CCDC192: variants seen among roughly 807,000 people sequenced by gnomAD.
The protein encoded by CCDC192 is coiled-coil domain-containing protein 192.
At chr5:127,910,245 T>C (rs1198298968) in intron 6 of CCDC192, among the ~76,000 whole-genome samples, 5 of 152,218 alleles carry the variant, frequency 3.3e-5, no homozygotes, top group Admixed American at 3.3e-4. Flanking sequence ...AAATCCTCTA[T>C]CAACCTTTAA....
intron 5 of CCDC192, among the ~76,000 whole-genome samples, chr5:127,868,035 G>A (rs1398718853): frequency 2.7e-5 from 4 of 146,434 alleles, no homozygotes; most frequent in Non-Finnish European, 4.5e-5. Context: ...TCAAGTTGGC[G>A]AGATCTTAGT....
intron 5 of CCDC192, among the ~76,000 whole-genome samples, chr5:127,853,630 G>A (rs914183189): frequency 2.0e-5 from 3 of 152,038 alleles, no homozygotes; most frequent in Admixed American, 6.6e-5. Context: ...AGAATTATCC[G>A]GGCGTGGTGA....
At chr5:127,930,753 C>G (rs1754004921) in intron 6 of CCDC192, among the ~76,000 whole-genome samples, 1 of 152,172 alleles carries the variant, frequency 6.6e-6, no homozygotes, top group Admixed American at 6.5e-5. Context: ...CTAGGTTATC[C>G]TACCCTCAAT....
chr5:127,840,286 A>C (rs1215019652), intron 5 of CCDC192, among the ~76,000 whole-genome samples: 1 of 152,230 alleles, frequency 6.6e-6, no homozygotes, highest in Non-Finnish European at 1.5e-5. Context: ...AGAAAGAAAA[A>C]GAGGAAGTGA....
intron 3 of CCDC192, among the ~76,000 whole-genome samples, chr5:127,777,214 G>A (rs928237071): frequency 6.6e-6 from 1 of 152,208 alleles, no homozygotes. Flanking sequence ...CAAGACCATG[G>A]GAGCCCACCT....
chr5:127,937,975 C>T (rs1754231391), intron 6 of CCDC192, among the ~76,000 whole-genome samples: 1 of 152,160 alleles, frequency 6.6e-6, no homozygotes, highest in Non-Finnish European at 1.5e-5. Flanking sequence ...GTCAGACAGG[C>T]ACAGTGAGGT....
chr5:127,863,444 T>A (rs1310846535), intron 5 of CCDC192, among the ~76,000 whole-genome samples: 1 of 152,344 alleles, frequency 6.6e-6, no homozygotes, highest in East Asian at 1.9e-4. Flanking sequence ...CCAAGTTAAA[T>A]AAGTCAATCT....
chr5:127,891,025 C>T (rs758720433), intron 6 of CCDC192, among the ~76,000 whole-genome samples: 8 of 152,174 alleles, frequency 5.3e-5, no homozygotes, highest in Non-Finnish European at 1.2e-4. Context: ...TCTTCATCCC[C>T]TCTATGTACA....
intron 6 of CCDC192, among the ~76,000 whole-genome samples, chr5:127,920,885 G>A (rs6865186): frequency 0.18 from 26,788 of 151,238 alleles, 5,991 homozygotes; most frequent in African/African-American, 0.51. Flanking sequence ...ACGGGGTGAA[G>A]CCCTATTTCT....
At position 127,855,223 on chromosome 5, in the gene CCDC192, C is replaced by G. The variant is rs557914629; in HGVS notation, c.412-20315C>G. Among the ~76,000 whole-genome samples the G allele has an allele frequency of 1.4e-4, 21 of 152,296 alleles. 2 individuals carry two copies. In the South Asian group the frequency reaches 4.4e-3, roughly 32 times the overall value. On this transcript the variant is annotated intron_variant, in intron 5 of 6. Coordinates refer to ENST00000514853, the MANE Select transcript of CCDC192 (RefSeq NM_001317938.2). ...GCAGAACTTCTTTCAAAACTGGAGT[C>G]AATCCTCTCAAACCCTGCCACTGCT...
chr5:127,826,407 A>C (rs992537166), intron 5 of CCDC192, among the ~76,000 whole-genome samples: 1 of 152,068 alleles, frequency 6.6e-6, no homozygotes, highest in African/African-American at 2.4e-5. Context: ...CAGAGCTACC[A>C]TTTGACCCAG....
intron 2 of CCDC192, among the ~76,000 whole-genome samples, chr5:127,733,726 T>G (rs910514986): frequency 1.3e-5 from 2 of 152,086 alleles, no homozygotes; most frequent in African/African-American, 4.8e-5. Context: ...ATCTGAGATA[T>G]TACTTCTAAG....
At chr5:127,825,950 A>G (rs1193132557) in intron 5 of CCDC192, among the ~76,000 whole-genome samples, 1 of 152,216 alleles carries the variant, frequency 6.6e-6, no homozygotes, top group Non-Finnish European at 1.5e-5. Context: ...TAAATTATAA[A>G]TGAATGTTAC....
At chr5:127,847,995 C>A (rs1750638980) in intron 5 of CCDC192, among the ~76,000 whole-genome samples, 2 of 152,008 alleles carry the variant, frequency 1.3e-5, no homozygotes, top group Admixed American at 6.6e-5. Context: ...CAGGATTTCA[C>A]CATGTTGGCC....
intron 2 of CCDC192, among the ~76,000 whole-genome samples, chr5:127,717,187 A>G: frequency 6.6e-6 from 1 of 152,226 alleles, no homozygotes; most frequent in Non-Finnish European, 1.5e-5. Flanking sequence ...AAAATATTTT[A>G]TTTAACAAAT....
At chr5:127,719,560 CACACATACATATATATATAT>C (rs1277594212) in intron 2 of CCDC192, among the ~76,000 whole-genome samples, 537 of 12,440 alleles carry the variant, frequency 0.043, 25 homozygotes, top group African/African-American at 0.087. Context: ...TATATATATA[CACACATACATATATATATAT>C]ACCAAGCAGT....
intron 3 of CCDC192, among the ~76,000 whole-genome samples, chr5:127,791,155 A>T (rs6867166): frequency 6.6e-6 from 1 of 152,040 alleles, no homozygotes; most frequent in Non-Finnish European, 1.5e-5. Context: ...GACAACATTC[A>T]TCTGAAAAAT....
intron 2 of CCDC192, among the ~76,000 whole-genome samples, chr5:127,747,571 G>A (rs1454391725): frequency 5.9e-5 from 9 of 151,730 alleles, no homozygotes; most frequent in African/African-American, 2.2e-4. Context: ...AAACATACGT[G>A]TGCATGTGTC....
Position 127,809,430 on chromosome 5 carries a change from T to G in CCDC192, c.411+11268T>G, listed in dbSNP as rs569474246. ...TCAAGGAAAATGATCAAATAAATAA[T>G]TAGTGTGTTGGGGGGGATGCTACCA... On this transcript the variant is annotated intron_variant, in intron 5 of 6. Coordinates refer to ENST00000514853, the MANE Select transcript of CCDC192 (RefSeq NM_001317938.2). Among the ~76,000 whole-genome samples the G allele has an allele frequency of 1.0e-3, 154 of 152,192 alleles. 1 individual carries two copies. Among genetic ancestry groups the G allele is most frequent in the African/African-American group, 3.5e-3 (144 of 41,508 alleles).
Sources: gnomAD v4.1 joint callset for allele counts (sites outside exome capture counted in the v4.1 genomes callset) on GRCh38, gnomAD v4.1.1 for gene constraint, MANE v1.5 for transcripts, NCBI Gene and HGNC (gene_info 2026-07-23, HGNC 2026-07-21) for gene names.